The following CDH19 variants were observed in gnomAD, a reference collection of about 807,000 sequenced individuals.
CDH19 encodes cadherin 19, also known as cadherin-19.
A neutral mutation model predicts 64.2 loss-of-function variants in CDH19; 67 were observed. The ratio of observed to expected loss-of-function variants is 1.04; its 90% CI spans 0.86 to 1.28. The LOEUF (loss-of-function observed/expected upper bound fraction) is 1.28, where lower values mean the gene tolerates loss of function less well. Among genes scored for constraint, CDH19 ranks in the 50% most tolerant of loss-of-function variants. The probability of loss-of-function intolerance (pLI) is 0.00; values close to 1 mark genes in which losing one functional copy is unlikely to be tolerated. For synonymous variants in CDH19, 346 were observed against 319.3 expected (o/e 1.08, Z -0.89); for missense variants, 1,030 against 929.0 (o/e 1.11, Z -1.41).
At chr18:66,545,730 A>G (rs1201114349) in intron 5 of CDH19, among the ~76,000 whole-genome samples, 1 of 152,148 alleles carries the variant, frequency 6.6e-6, no homozygotes, top group Non-Finnish European at 1.5e-5. Context: ...CTGCATGCAA[A>G]TAGTAGAGTT....
At chr18:66,514,487 T>C (rs536893500) in intron 9 of CDH19, among the ~76,000 whole-genome samples, 42 of 151,332 alleles carry the variant, frequency 2.8e-4, no homozygotes, top group Non-Finnish European at 5.5e-4. Flanking sequence ...AATAAAAATA[T>C]GAATTGAGGA....
At chr18:66,582,914 A>T (rs1988466693) in intron 1 of CDH19, among the ~76,000 whole-genome samples, 1 of 152,118 alleles carries the variant, frequency 6.6e-6, no homozygotes, top group Non-Finnish European at 1.5e-5. Context: ...AGTGTGCAAA[A>T]GTTCTAAAAT....
intron 5 of CDH19, among the ~76,000 whole-genome samples, chr18:66,546,854 G>A (rs1987136190): frequency 6.6e-6 from 1 of 152,104 alleles, no homozygotes; most frequent in South Asian, 2.1e-4. Flanking sequence ...GAGGATAATT[G>A]CCTGGTGTTG....
At position 66,508,991 on chromosome 18, in the gene CDH19, C is replaced by G; in HGVS notation, c.1828+4G>C. On this transcript the variant is annotated splice_donor_region_variant and intron_variant, in intron 11 of 11. Coordinates refer to ENST00000262150, the MANE Select transcript of CDH19 (RefSeq NM_021153.4). ...TGAGAATAGCAATGATGACTTCTAC[C>G]TACCAAATATGATCATAATGCAAAT... 6.2e-7 allele frequency: 1 copy of G among 1,603,398 alleles called. No individual in the cohort carries two copies. Among genetic ancestry groups the G allele is most frequent in the Non-Finnish European group, 8.5e-7 (1 of 1,171,296 alleles).
intron 1 of CDH19, among the ~76,000 whole-genome samples, chr18:66,593,367 C>CA (rs987215027): frequency 9.2e-5 from 14 of 151,764 alleles, no homozygotes; most frequent in African/African-American, 2.7e-4. Context: ...TGTTCTTATA[C>CA]AAAAAAATTT....
rs1985015386 is a variant in CDH19, at chr18:66,503,069, C to T, written c.*1743G>A. The T allele has an allele frequency of 6.6e-6, 1 of 151,776 alleles. No homozygotes were observed. The highest frequency in any genetic ancestry group is 6.6e-5 in the Admixed American group (1 of 15,206). 9.4% of individuals were successfully genotyped at this position (151,776 alleles called of 1,614,324 possible). On this transcript the variant is annotated 3_prime_UTR_variant, in exon 12 of 12. Coordinates refer to ENST00000262150, the MANE Select transcript of CDH19 (RefSeq NM_021153.4). ...AACATATATGGCCAGTTTGGTTCAG[C>T]TTAGTCTCACATGCTATTAATAAAA...
intron 8 of CDH19, among the ~76,000 whole-genome samples, chr18:66,530,835 C>T (rs918573545): frequency 4.6e-5 from 7 of 152,206 alleles, no homozygotes; most frequent in African/African-American, 1.4e-4. Context: ...TTCTATTCCC[C>T]GAATGTCTGC....
intron 9 of CDH19, among the ~76,000 whole-genome samples, chr18:66,516,407 T>TA (rs1466605429): frequency 1.3e-5 from 2 of 152,036 alleles, no homozygotes; most frequent in African/African-American, 2.4e-5. Flanking sequence ...ATGGAATGTG[T>TA]TATTTTAAAT....
In CDH19 at chr18:66,572,248, C is replaced by A. The variant is rs749466573; in HGVS notation, c.-44G>T. The A allele has an allele frequency of 1.4e-6, 2 of 1,453,528 alleles. No individual in the cohort carries two copies. Among genetic ancestry groups the A allele is most frequent in the East Asian group, 2.3e-5 (1 of 43,574 alleles). 90.0% of individuals were successfully genotyped at this position (1,453,528 alleles called of 1,614,324 possible). ...TCCAACTATTACTCTTCAGAGGAAACAGGACGTCACTAACAAAAATCTTGC... is the reference window on the plus strand; with the variant it reads ...TCCAACTATTACTCTTCAGAGGAAAAAGGACGTCACTAACAAAAATCTTGC... On this transcript the variant is annotated 5_prime_UTR_variant, in exon 2 of 12. Coordinates refer to ENST00000262150, the MANE Select transcript of CDH19 (RefSeq NM_021153.4).
chr18:66,544,318 T>C, intron 6 of CDH19, 94 bp from the exon 7 acceptor site: 2 of 1,198,230 alleles, frequency 1.7e-6, no homozygotes, highest in South Asian at 3.2e-5. Flanking sequence ...TAAGTCTCAG[T>C]GGCCTTTCAG....
At chr18:66,548,534 A>G (rs943590193) in intron 5 of CDH19, among the ~76,000 whole-genome samples, 1 of 152,110 alleles carries the variant, frequency 6.6e-6, no homozygotes, top group African/African-American at 2.4e-5. Flanking sequence ...AGTAAGACAG[A>G]AGAAAAAGCT....
At chr18:66,599,346 T>C (rs1341215158) in intron 1 of CDH19, among the ~76,000 whole-genome samples, 1 of 152,048 alleles carries the variant, frequency 6.6e-6, no homozygotes, top group Non-Finnish European at 1.5e-5. Flanking sequence ...TTATGTGGAA[T>C]CTAAAACAAT....
In CDH19 at chr18:66,568,642, A is replaced by T; in HGVS notation, c.264T>A (p.Ser88Arg). 1.2e-6 allele frequency: 2 copies of T among 1,611,538 alleles called. No individual in the cohort carries two copies. The highest frequency in any genetic ancestry group is 1.7e-6 in the Non-Finnish European group (2 of 1,178,596). Residue 88 changes from serine (S) to arginine (R), a missense_variant, in exon 3 of 12, where the codon AGT becomes AGA. Coordinates refer to ENST00000262150, the MANE Select transcript of CDH19 (RefSeq NM_021153.4). Reference sequence around the variant, plus strand: ...CTGTTCTTTCATCAATGATAAAAGTACTTCCAGCTCCAGCTCCCAAAAGCT... The same window carrying T: ...CTGTTCTTTCATCAATGATAAAAGTTCTTCCAGCTCCAGCTCCCAAAAGCT... ...QYKLLGAGAG[S>R]TFIIDERTGD...
chr18:66,565,611 G>A (rs537995283), intron 3 of CDH19, among the ~76,000 whole-genome samples: 70 of 151,882 alleles, frequency 4.6e-4, no homozygotes, highest in Non-Finnish European at 8.1e-4. Flanking sequence ...AATAAAACCC[G>A]CAGTATTCAT....
Position 66,594,034 on chromosome 18 carries a change from C to A in CDH19, c.-113+9920G>T, listed in dbSNP as rs1163328842. 2.6e-5 allele frequency among the ~76,000 whole-genome samples: 4 copies of A among 152,084 alleles called. No homozygotes were observed. In the East Asian group the frequency reaches 7.7e-4, roughly 29 times the overall value. On this transcript the variant is annotated intron_variant, in intron 1 of 11. Transcript: ENST00000262150. ...TGTGCTGAATTAAAAATATCTGTTT[C>A]ATGTACAATGACACCCACAGGCTCA...
chr18:66,544,977 G>T (rs1297126468), intron 5 of CDH19, 74 bp from the exon 6 acceptor site: 2 of 1,129,744 alleles, frequency 1.8e-6, no homozygotes, highest in African/African-American at 3.2e-5. Flanking sequence ...TTTTTTGTTT[G>T]TTTGTTTGTT....
intron 9 of CDH19, among the ~76,000 whole-genome samples, chr18:66,525,309 A>G (rs2144399176): frequency 6.6e-6 from 1 of 152,228 alleles, no homozygotes; most frequent in Non-Finnish European, 1.5e-5. Context: ...TCATATGCAC[A>G]CCATTTCAGT....
Position 66,572,172 on chromosome 18 carries a change from C to A in CDH19, c.33G>T (p.Leu11Phe), listed in dbSNP as rs80135198. 1 of 1,610,934 alleles carries A rather than the reference C, an allele frequency of 6.2e-7. No homozygotes were observed. The highest frequency in any genetic ancestry group is 1.7e-5 in the Admixed American group (1 of 59,698). ...GACAAGGCCATAGGAGAGGAATTCC[C>A]AACATAAAACGCAGCAGTAAATAAC... MNCYLLLRFM[L>F]GIPLLWPCLG... Residue 11 changes from leucine to phenylalanine, a missense_variant, in exon 2 of 12, where the codon TTG becomes TTT. Physicochemically the swap from Leu to Phe is conservative, Grantham distance 22. Transcript: ENST00000262150.
Position 66,502,898 on chromosome 18 carries a change from C to G in CDH19, c.*1914G>C, listed in dbSNP as rs1985007254. 2 of 151,782 alleles carry G rather than the reference C, an allele frequency of 1.3e-5. No homozygotes were observed. Among genetic ancestry groups the G allele is most frequent in the African/African-American group, 4.8e-5 (2 of 41,412 alleles). The allele number at this position is 151,782 out of a possible 1,614,324, so 9.4% of individuals were successfully genotyped here. On this transcript the variant is annotated 3_prime_UTR_variant, in exon 12 of 12. Transcript: ENST00000262150. ...TTGTGAAATGATAATATTTGTGTCA[C>G]CAATTTAATGGTGCCTGTTTCAGAT... is the stretch of plus-strand genomic sequence containing the variant.
Sources: gnomAD v4.1 joint callset for allele counts (sites outside exome capture counted in the v4.1 genomes callset) on GRCh38, gnomAD v4.1.1 for gene constraint, MANE v1.5 for transcripts, NCBI Gene and HGNC (gene_info 2026-07-23, HGNC 2026-07-21) for gene names.